WNK2: variants seen among roughly 807,000 people sequenced by gnomAD.
WNK2 encodes serine/threonine-protein kinase WNK2.
A neutral mutation model predicts 192.1 loss-of-function variants in WNK2; 67 were observed. The observed-to-expected ratio is 0.35, with a 90% confidence interval of 0.29 to 0.43. The LOEUF is 0.43. Ranked by LOEUF, WNK2 falls within the 20% of genes least tolerant of loss-of-function variation. WNK2 has a pLI of 1.00. For synonymous variants in WNK2, 1,439 were observed against 1,393.9 expected, an observed-to-expected ratio of 1.03 and a Z score of -0.72; for missense variants, 2,698 against 3,089.7, an observed-to-expected ratio of 0.87 and a Z score of 3.01.
At chr9:93,245,168 A>G (rs1285606752) in intron 7 of WNK2, among the ~76,000 whole-genome samples, 2 of 152,252 alleles carry the variant, frequency 1.3e-5, no homozygotes, top group East Asian at 3.8e-4. Flanking sequence ...TTGCAAGGAC[A>G]CTACAAAGAA....
chr9:93,241,502 G>A (rs1377666683), intron 7 of WNK2, among the ~76,000 whole-genome samples: 1 of 152,204 alleles, frequency 6.6e-6, no homozygotes, highest in Non-Finnish European at 1.5e-5. Flanking sequence ...TCAGTCACCA[G>A]TTCCAGGCTG....
chr9:93,247,676 G>A lies in WNK2; in HGVS notation c.1676G>A (p.Gly559Asp). Residue 559 changes from glycine (G) to aspartate (D), a missense_variant, in exon 8 of 30, where the codon GGC becomes GAC. Gly to Asp is a moderately conservative substitution (Grantham distance 94, BLOSUM62 -1). Around this residue, in one of 7 missense-constraint regions of WNK2, gnomAD observed 893 missense variants for 909.0 expected, o/e 0.98. Transcript: ENST00000427277. This position sits in a 1 kb window ranked among gnomAD's most constrained non-coding sequence, Gnocchi z 5.2. ...CAGCCCAAGGAGCAGCAGGATGTGG[G>A]CAGCCCGGACAAGGCCAGGGGTCCG... ...ALQPKEQQDVGSPDKARGPPV... is the reference protein window; with the variant it reads ...ALQPKEQQDVDSPDKARGPPV... 1.9e-6 allele frequency: 3 copies of A among 1,575,748 alleles called. No individual in the cohort carries two copies. Among genetic ancestry groups the A allele is most frequent in the Non-Finnish European group, 1.7e-6 (2 of 1,160,892 alleles).
chr9:93,316,039 G>GC (rs1854606353), intron 28 of WNK2: 1 of 152,080 alleles, frequency 6.6e-6, no homozygotes, highest in Non-Finnish European at 1.5e-5. Flanking sequence ...GATCGTTCCA[G>GC]CCCCTTCCTC....
chr9:93,214,717 C>T (rs1164574309), intron 2 of WNK2, among the ~76,000 whole-genome samples: 2 of 136,428 alleles, frequency 1.5e-5, no homozygotes. Context: ...CCCCCGCCCT[C>T]TCTTTGCTGA....
intron 9 of WNK2, among the ~76,000 whole-genome samples, chr9:93,255,302 A>C (rs1843122299): frequency 6.6e-6 from 1 of 152,214 alleles, no homozygotes; most frequent in Admixed American, 6.5e-5. Context: ...TGGGGCTGCC[A>C]GGCTGCCCTG....
At chr9:93,305,862 C>T (rs1314821355) in intron 26 of WNK2, among the ~76,000 whole-genome samples, 1 of 152,238 alleles carries the variant, frequency 6.6e-6, no homozygotes, top group Non-Finnish European at 1.5e-5. Flanking sequence ...TAGACAGAGC[C>T]TCTGTGCTAG....
intron 2 of WNK2, among the ~76,000 whole-genome samples, chr9:93,191,496 G>C (rs1015867053): frequency 6.6e-6 from 1 of 152,100 alleles, no homozygotes; most frequent in Non-Finnish European, 1.5e-5. Context: ...AGTTCTGAGC[G>C]AGGCTGGAGG....
intron 2 of WNK2, among the ~76,000 whole-genome samples, chr9:93,209,424 C>A (rs1208075523): frequency 6.6e-6 from 1 of 152,180 alleles, no homozygotes; most frequent in African/African-American, 2.4e-5. Flanking sequence ...CCCTTGTGTG[C>A]CTTTGAGACG....
At chr9:93,272,136 G>C (rs1242899922) in intron 19 of WNK2, among the ~76,000 whole-genome samples, 3 of 152,206 alleles carry the variant, frequency 2.0e-5, no homozygotes, top group Admixed American at 6.5e-5. Context: ...AAGATCTTCA[G>C]ACAGAAAGGA....
At position 93,268,587 on chromosome 9, in the gene WNK2, G is replaced by A. The variant is rs540455802; in HGVS notation, c.3914-40G>A. On this transcript the variant is annotated intron_variant, in intron 18 of 29. Coordinates refer to ENST00000427277, the MANE Select transcript of WNK2 (RefSeq NM_006648.4). ...GGGGGTCACACTGGCCTGGAAAGGCGCTCACTCACTCAGCGTGCTGTTTCT... is the reference window on the plus strand; with the variant it reads ...GGGGGTCACACTGGCCTGGAAAGGCACTCACTCACTCAGCGTGCTGTTTCT... 2.0e-5 allele frequency: 31 copies of A among 1,583,388 alleles called. No individual in the cohort carries two copies. In the East Asian group the frequency reaches 4.0e-4, roughly 20 times the overall value.
chr9:93,216,075 G>A (rs1433227507), intron 2 of WNK2, among the ~76,000 whole-genome samples: 1 of 152,168 alleles, frequency 6.6e-6, no homozygotes, highest in African/African-American at 2.4e-5. Context: ...GGTCTGTTCT[G>A]TTTTATCCAG....
chr9:93,290,856 G>C (rs1235683802), intron 21 of WNK2, among the ~76,000 whole-genome samples: 1 of 152,164 alleles, frequency 6.6e-6, no homozygotes, highest in African/African-American at 2.4e-5. Context: ...TTCATTATCT[G>C]CATGCCTCAG....
intron 19 of WNK2, among the ~76,000 whole-genome samples, chr9:93,273,940 T>A (rs761497847): frequency 6.6e-6 from 1 of 152,158 alleles, no homozygotes; most frequent in Admixed American, 6.5e-5. Flanking sequence ...TTGTGGGATG[T>A]AGTTAAAGCA....
chr9:93,262,454 G>A (rs973355428), intron 13 of WNK2, among the ~76,000 whole-genome samples: 2 of 152,204 alleles, frequency 1.3e-5, no homozygotes, highest in Non-Finnish European at 2.9e-5. Context: ...AATACACTCG[G>A]GTCCAAGCGT....
chr9:93,250,718 A>C (rs1842478912), intron 8 of WNK2, among the ~76,000 whole-genome samples: 1 of 151,278 alleles, frequency 6.6e-6, no homozygotes, highest in South Asian at 2.1e-4. Context: ...GTAGTAGCAC[A>C]TTTACCAATA....
chr9:93,290,516 G>A (rs961640136), intron 21 of WNK2, among the ~76,000 whole-genome samples: 1 of 152,228 alleles, frequency 6.6e-6, no homozygotes, highest in Admixed American at 6.5e-5. Context: ...GAGAGATGAA[G>A]TCCTCTGGGG....
intron 6 of WNK2, among the ~76,000 whole-genome samples, chr9:93,238,742 A>G (rs1040589591): frequency 5.3e-5 from 8 of 152,234 alleles, no homozygotes; most frequent in Admixed American, 5.2e-4. Context: ...GTGGGCCTCC[A>G]TTTGGAGCCC....
Position 93,252,978 on chromosome 9 carries a change from G to C in WNK2, c.1930G>C (p.Ala644Pro). The C allele has an allele frequency of 2.5e-6, 4 of 1,569,422 alleles. No homozygotes were observed. Among genetic ancestry groups the C allele is most frequent in the Non-Finnish European group, 3.5e-6 (4 of 1,158,582 alleles). ...GATGCTTGGCTCCCTTGCCGACGCAGCGCCGTCCCCGGCCCAGTGTGTGTG... is the reference window on the plus strand; with the variant it reads ...GATGCTTGGCTCCCTTGCCGACGCACCGCCGTCCCCGGCCCAGTGTGTGTG... ...SVMLGSLADA[A>P]PSPAQCVCSP... is the part of the protein sequence containing the mutation. Residue 644 changes from alanine to proline, a missense_variant, in exon 9 of 30, where the codon GCG becomes CCG. Around this residue, in one of 7 missense-constraint regions of WNK2, gnomAD observed 893 missense variants for 909.0 expected, o/e 0.98. Transcript: ENST00000427277.
chr9:93,311,615 G>GTT (rs1375047494), intron 28 of WNK2, among the ~76,000 whole-genome samples: 1 of 150,692 alleles, frequency 6.6e-6, no homozygotes, highest in African/African-American at 2.4e-5. Flanking sequence ...TTTTTTGTTT[G>GTT]TGTGTGTGTG....
Sources: gnomAD v4.1 joint callset for allele counts (sites outside exome capture counted in the v4.1 genomes callset) on GRCh38, gnomAD v4.1.1 for gene constraint, gnomAD v4.1.1 regional missense constraint, Gnocchi (gnomAD v3.1) non-coding constraint, MANE v1.5 for transcripts, NCBI Gene and HGNC (gene_info 2026-07-23, HGNC 2026-07-21) for gene names.